The following CABCOCO1 variants were observed in gnomAD, a reference collection of about 807,000 sequenced individuals.
CABCOCO1 encodes the protein ciliary-associated calcium-binding coiled-coil protein 1.
CABCOCO1 carries 28 observed loss-of-function variants against 35.7 expected under a neutral mutation model. The ratio of observed to expected loss-of-function variants is 0.78; its 90% CI spans 0.58 to 1.07. The LOEUF (loss-of-function observed/expected upper bound fraction) is 1.07, where lower values mean the gene tolerates loss of function less well. Among genes scored for constraint, CABCOCO1 ranks in the 50% least tolerant of loss-of-function variants. CABCOCO1 has a pLI of 0.00. For synonymous variants in CABCOCO1, 95 were observed against 100.1 expected (o/e 0.95, Z 0.30); for missense variants, 326 against 309.2 (o/e 1.05, Z -0.41).
At chr10:61,667,182 AT>A (rs1045216213) in intron 1 of CABCOCO1, among the ~76,000 whole-genome samples, 5 of 145,802 alleles carry the variant, frequency 3.4e-5, no homozygotes, top group Non-Finnish European at 7.5e-5. Flanking sequence ...CATTTTACAT[AT>A]TATATATAAA....
chr10:61,727,233 A>T (rs1442552045), intron 5 of CABCOCO1, among the ~76,000 whole-genome samples: 1 of 151,626 alleles, frequency 6.6e-6, no homozygotes, highest in African/African-American at 2.4e-5. Context: ...AACCAATTAT[A>T]CTTCTACAAC....
chr10:61,698,766 AT>A (rs1483553625), intron 5 of CABCOCO1, among the ~76,000 whole-genome samples: 1 of 152,162 alleles, frequency 6.6e-6, no homozygotes, highest in Non-Finnish European at 1.5e-5. Context: ...ATATAAAAAC[AT>A]AAATTTTATT....
intron 5 of CABCOCO1, among the ~76,000 whole-genome samples, chr10:61,719,737 T>C (rs1169968144): frequency 2.0e-5 from 3 of 151,774 alleles, no homozygotes; most frequent in African/African-American, 7.3e-5. Flanking sequence ...CTGGCCAACA[T>C]GGTGAAACCC....
chr10:61,682,935 C>T (rs4948473), intron 3 of CABCOCO1, among the ~76,000 whole-genome samples: 3 of 148,692 alleles, frequency 2.0e-5, no homozygotes, highest in Non-Finnish European at 4.4e-5. Flanking sequence ...CACTTGGCCA[C>T]GCTGGAGTGC....
At chr10:61,675,547 A>C (rs1839487628) in intron 2 of CABCOCO1, among the ~76,000 whole-genome samples, 1 of 152,242 alleles carries the variant, frequency 6.6e-6, no homozygotes, top group Non-Finnish European at 1.5e-5. Flanking sequence ...AACATTGAAA[A>C]GTAAAAATAA....
intron 5 of CABCOCO1, among the ~76,000 whole-genome samples, chr10:61,737,920 A>G (rs1423188877): frequency 3.9e-5 from 6 of 152,114 alleles, no homozygotes; most frequent in African/African-American, 7.2e-5. Context: ...ATGTTTACCT[A>G]TGTAACAAAC....
At chr10:61,747,909 A>C (rs1369070034) in intron 5 of CABCOCO1, among the ~76,000 whole-genome samples, 2 of 152,158 alleles carry the variant, frequency 1.3e-5, no homozygotes, top group African/African-American at 4.8e-5. Flanking sequence ...TGAAAACCAG[A>C]ACGACCCTTC....
At chr10:61,740,854 T>A (rs1312821317) in intron 5 of CABCOCO1, among the ~76,000 whole-genome samples, 1 of 152,088 alleles carries the variant, frequency 6.6e-6, no homozygotes, top group Non-Finnish European at 1.5e-5. Flanking sequence ...AAAGTAGGAA[T>A]CCAATAAGAG....
At chr10:61,697,550 A>G (rs1023959503) in intron 5 of CABCOCO1, among the ~76,000 whole-genome samples, 1 of 152,108 alleles carries the variant, frequency 6.6e-6, no homozygotes, top group African/African-American at 2.4e-5. Flanking sequence ...AATTTATACT[A>G]ACAATTAATA....
chr10:61,682,904 T>TTTTTTTTTTA (rs1839841006), intron 3 of CABCOCO1, among the ~76,000 whole-genome samples: 3 of 151,004 alleles, frequency 2.0e-5, no homozygotes, highest in Admixed American at 6.6e-5. Context: ...TTTTTTTTTT[T>TTTTTTTTTTA]AAGACAGATT....
intron 5 of CABCOCO1, among the ~76,000 whole-genome samples, chr10:61,758,177 C>T (rs558667916): frequency 1.7e-4 from 26 of 152,202 alleles, no homozygotes; most frequent in African/African-American, 5.8e-4. Context: ...CTCCAAACTT[C>T]CTGTTCCTTG....
At chr10:61,758,241 T>C (rs1841938858) in intron 5 of CABCOCO1, among the ~76,000 whole-genome samples, 1 of 152,074 alleles carries the variant, frequency 6.6e-6, no homozygotes, top group Non-Finnish European at 1.5e-5. Flanking sequence ...TTCCCTTGTC[T>C]CTGATTCCCA....
In CABCOCO1 at chr10:61,680,321, T is replaced by A. The variant is rs868407471; in HGVS notation, c.165-822T>A. On this transcript the variant is annotated intron_variant, in intron 2 of 7. Transcript: ENST00000648843. ...GCAAGGCCCTGTCTCAAAAAAAATA[T>A]ATATATATATATTTATATACATATA... Among the ~76,000 whole-genome samples the A allele has an allele frequency of 2.0e-3, 272 of 136,908 alleles. 1 individual carries two copies. Among genetic ancestry groups the A allele is most frequent in the Middle Eastern group, 0.011 (3 of 270 alleles). 89.8% of individuals were successfully genotyped at this position (136,908 alleles called of 152,430 possible). A position where few individuals can be genotyped will look rare whatever the true frequency, so the allele number is the denominator to read the frequency against.
intron 5 of CABCOCO1, among the ~76,000 whole-genome samples, chr10:61,758,430 A>G (rs191247251): frequency 1.8e-4 from 28 of 152,224 alleles, no homozygotes; most frequent in African/African-American, 5.5e-4. Context: ...TGTTTGCCCC[A>G]TTTAGGAAAA....
intron 5 of CABCOCO1, among the ~76,000 whole-genome samples, chr10:61,695,534 CT>C (rs2132004105): frequency 6.6e-6 from 1 of 152,164 alleles, no homozygotes; most frequent in South Asian, 2.1e-4. Context: ...AAACATATTA[CT>C]TGAACCCAAA....
chr10:61,702,009 G>A (rs1840470714), intron 5 of CABCOCO1: 1 of 176,640 alleles, frequency 5.7e-6, no homozygotes, highest in Non-Finnish European at 1.1e-5. Context: ...TGGAAGGGAT[G>A]AGATGTGGGA....
chr10:61,762,032 A>G (rs1842019981), intron 7 of CABCOCO1, among the ~76,000 whole-genome samples: 1 of 152,114 alleles, frequency 6.6e-6, no homozygotes, highest in Non-Finnish European at 1.5e-5. Context: ...CCATGAATGT[A>G]ATAACTGGTT....
At chr10:61,677,935 T>C (rs1319215713) in intron 2 of CABCOCO1, among the ~76,000 whole-genome samples, 6 of 151,870 alleles carry the variant, frequency 4.0e-5, no homozygotes, top group Admixed American at 3.9e-4. Context: ...TCTTTTTCTT[T>C]ATGGTTTGTA....
chr10:61,673,508 G>A (rs1839422242), intron 2 of CABCOCO1, among the ~76,000 whole-genome samples: 1 of 152,210 alleles, frequency 6.6e-6, no homozygotes, highest in African/African-American at 2.4e-5. Flanking sequence ...CAAACAGGGT[G>A]TCGTGGACCA....
Sources: allele counts gnomAD v4.1 joint callset (sites outside exome capture counted in the v4.1 genomes callset), GRCh38; gene constraint gnomAD v4.1.1; transcripts MANE v1.5; gene names NCBI Gene and HGNC (gene_info 2026-07-23, HGNC 2026-07-21).